The following SMG6 variants were observed in gnomAD, a reference collection of about 807,000 sequenced individuals.
The protein encoded by SMG6 is SMG6 nonsense mediated mRNA decay factor.
Under a neutral mutation model 142.2 loss-of-function variants are expected in SMG6, and 66 were observed. That is an observed-to-expected ratio of 0.46 (90% CI 0.38 to 0.57). The LOEUF is 0.57. SMG6 is among the 20% of genes least tolerant of loss of function. SMG6 has a pLI of 0.00. For synonymous variants in SMG6, 779 were observed against 702.4 expected (o/e 1.11, Z -1.72); for missense variants, 1,793 against 1,832.0 (o/e 0.98, Z 0.39).
intron 13 of SMG6, among the ~76,000 whole-genome samples, chr17:2,138,928 T>C (rs116771033): frequency 8.1e-4 from 124 of 152,354 alleles, no homozygotes; most frequent in African/African-American, 2.7e-3. Context: ...CATGGTTTAT[T>C]TGAAACAAAG....
In SMG6 at chr17:2,068,764, C is replaced by T. The variant is rs1346930974; in HGVS notation, c.3835+14G>A. The stretch of plus-strand genomic sequence containing the variant: ...GCACATGCAAGGCCGCTCTGCCCTT[C>T]CCGCCTGACTCACCGATGAGGGGCA... On this transcript the variant is annotated intron_variant, in intron 16 of 18. Coordinates refer to ENST00000263073, the MANE Select transcript of SMG6 (RefSeq NM_017575.5). This position sits in a 1 kb window ranked among gnomAD's most constrained non-coding sequence, Gnocchi z 6.7. The T allele has an allele frequency of 1.9e-6, 3 of 1,612,662 alleles. No individual in the cohort carries two copies. In the African/African-American group the frequency reaches 4.0e-5, roughly 22 times the overall value.
At chr17:2,107,050 C>T (rs750821809) in intron 13 of SMG6, among the ~76,000 whole-genome samples, 1 of 152,100 alleles carries the variant, frequency 6.6e-6, no homozygotes. Flanking sequence ...AGTATTTTAG[C>T]CTGACATGTT....
In SMG6 at chr17:2,283,708, A is replaced by G. The variant is rs1219029319; in HGVS notation, c.2365T>C (p.Tyr789His). The G allele has an allele frequency of 1.9e-6, 3 of 1,614,088 alleles. No homozygotes were observed. Among genetic ancestry groups the G allele is most frequent in the Non-Finnish European group, 2.5e-6 (3 of 1,179,984 alleles). The change falls in exon 7 of 19, where the codon TAT (tyrosine) becomes CAT (histidine). Residue 789 changes from tyrosine (Y) to histidine (H), a missense_variant. This residue lies in a region of SMG6 where 1,597 missense variants were observed against 1,584.6 expected (regional missense o/e 1.01). Transcript: ENST00000263073. ...TTGCTGGCAGCTAAACTGCGCATAT[A>G]GTAATAGACAGCGTCAAGCTTCCTC... ...TRRKLDAVYY[Y>H]MRSLAASNPI...
At chr17:2,258,963 A>T (rs1307637818) in intron 8 of SMG6, among the ~76,000 whole-genome samples, 2 of 152,114 alleles carry the variant, frequency 1.3e-5, no homozygotes, top group Non-Finnish European at 2.9e-5. Context: ...CTGTAATCCC[A>T]GCTAGTTGGG....
At chr17:2,226,099 A>T (rs576616939) in intron 10 of SMG6, among the ~76,000 whole-genome samples, 54 of 152,074 alleles carry the variant, frequency 3.6e-4, no homozygotes, top group Non-Finnish European at 3.1e-4. Flanking sequence ...AACATGGAGA[A>T]ACCCTGTTTC....
At chr17:2,156,560 G>A (rs1439493064) in intron 13 of SMG6, among the ~76,000 whole-genome samples, 1 of 152,178 alleles carries the variant, frequency 6.6e-6, no homozygotes, top group East Asian at 1.9e-4. Flanking sequence ...TCAGATGCAA[G>A]ACTGGGCACC....
At chr17:2,110,073 T>G (rs1303996066) in intron 13 of SMG6, among the ~76,000 whole-genome samples, 1 of 136,912 alleles carries the variant, frequency 7.3e-6, no homozygotes, top group East Asian at 2.1e-4. Context: ...CAGAGTGAGA[T>G]TCCATCTCAA....
chr17:2,083,248 T>G (rs2068471973), intron 14 of SMG6, among the ~76,000 whole-genome samples: 1 of 152,168 alleles, frequency 6.6e-6, no homozygotes. Context: ...TCTCTAACTG[T>G]CCAGCTCAAG....
intron 8 of SMG6, among the ~76,000 whole-genome samples, chr17:2,271,251 C>T (rs1322279766): frequency 2.0e-5 from 3 of 151,508 alleles, no homozygotes; most frequent in Non-Finnish European, 4.4e-5. Flanking sequence ...CCACTATGCC[C>T]GGCTAATTTT....
intron 13 of SMG6, among the ~76,000 whole-genome samples, chr17:2,093,512 AT>A (rs201923226): frequency 4.6e-5 from 7 of 151,438 alleles, no homozygotes; most frequent in South Asian, 4.2e-4. Context: ...AGCAGCTGGC[AT>A]TTTTTTTTCC....
chr17:2,167,156 A>AAG (rs2071366234), intron 13 of SMG6, among the ~76,000 whole-genome samples: 1 of 140,886 alleles, frequency 7.1e-6, no homozygotes, highest in African/African-American at 2.7e-5. Context: ...AAAAAAAAAA[A>AAG]GATATAAAGG....
At chr17:2,208,610 T>TACAA (rs1339640988) in intron 10 of SMG6, among the ~76,000 whole-genome samples, 1 of 152,238 alleles carries the variant, frequency 6.6e-6, no homozygotes, top group African/African-American at 2.4e-5. Flanking sequence ...AAGTGGCTAC[T>TACAA]ACAAGTAAGG....
intron 10 of SMG6, among the ~76,000 whole-genome samples, chr17:2,226,587 C>G (rs546965019): frequency 1.3e-5 from 2 of 148,360 alleles, no homozygotes; most frequent in East Asian, 4.0e-4. Flanking sequence ...TTAAAACAAA[C>G]AAACAAACAA....
chr17:2,198,391 G>A (rs1019301657), intron 10 of SMG6, among the ~76,000 whole-genome samples: 9 of 152,194 alleles, frequency 5.9e-5, no homozygotes, highest in African/African-American at 1.9e-4. Context: ...GGAGCTTTGA[G>A]TGTTGGGAAA....
intron 6 of SMG6, among the ~76,000 whole-genome samples, chr17:2,285,705 G>A (rs977601396): frequency 3.3e-5 from 5 of 151,794 alleles, no homozygotes; most frequent in Non-Finnish European, 2.9e-5. Flanking sequence ...ACGAAGTCTC[G>A]CTCTGTCATC....
intron 13 of SMG6, chr17:2,088,385 T>C (rs773004919): frequency 5.0e-5 from 49 of 985,280 alleles, no homozygotes; most frequent in Non-Finnish European, 5.5e-5. Context: ...TCTGTGGGAA[T>C]TGCCTATTCC....
intron 13 of SMG6, chr17:2,088,542 G>A (rs1218301077): frequency 1.1e-5 from 11 of 985,328 alleles, no homozygotes; most frequent in African/African-American, 3.5e-5. Flanking sequence ...TATGCAAAAG[G>A]CTGTGATCTA....
intron 10 of SMG6, among the ~76,000 whole-genome samples, chr17:2,224,591 G>A (rs1250834285): frequency 2.6e-5 from 4 of 152,074 alleles, no homozygotes; most frequent in Admixed American, 2.6e-4. Flanking sequence ...ATCAAAGAAA[G>A]GTTTAAGAGA....
In SMG6 at chr17:2,061,468, G is replaced by GC. The variant is rs774357112; in HGVS notation, c.*23_*24insG. On this transcript the variant is annotated 3_prime_UTR_variant, in exon 19 of 19. Transcript: ENST00000263073. ...TGGCCTTTCAGGAACGGTTCCACGG[G>GC]GGGGGGGCCCCAGTGTGGCTCCCTC... is the stretch of plus-strand genomic sequence containing the variant. 1.7e-5 allele frequency: 26 copies of GC among 1,565,180 alleles called. No individual in the cohort carries two copies. The Admixed American group carries it at 2.9e-4, about 17-fold the overall frequency.
Sources: allele counts gnomAD v4.1 joint callset (sites outside exome capture counted in the v4.1 genomes callset), GRCh38; gene constraint gnomAD v4.1.1; regional missense constraint gnomAD v4.1.1; non-coding constraint Gnocchi (gnomAD v3.1); transcripts MANE v1.5; gene names NCBI Gene and HGNC (gene_info 2026-07-23, HGNC 2026-07-21).